Variants in RICTOR observed in about 807,000 individuals in gnomAD.
The protein encoded by RICTOR is RPTOR independent companion of MTOR complex 2, also known as rapamycin-insensitive companion of mTOR.
Under a neutral mutation model 214.9 loss-of-function variants are expected in RICTOR, and 49 were observed. The observed-to-expected ratio is 0.23, with a 90% CI of 0.18 to 0.29. The LOEUF is 0.29. RICTOR is among the 10% of genes least tolerant of loss of function. The pLI is 1.00. For missense variants in RICTOR, 1,625 were observed against 2,047.0 expected, an observed-to-expected ratio of 0.79 and a Z score of 3.98; for synonymous variants, 717 against 711.3, an observed-to-expected ratio of 1.01 and a Z score of -0.13.
rs77313913 is a variant in RICTOR at position 39,022,450 on chromosome 5, T to C, written c.98-1314A>G. 7.4e-3 allele frequency: 1,163 copies of C among 157,066 alleles called. 15 individuals are homozygous for C. The highest frequency in any genetic ancestry group is 0.027 in the African/African-American group (1,113 of 41,586). 9.7% of individuals were successfully genotyped at this position (157,066 alleles called of 1,614,324 possible). A position where few individuals can be genotyped will look rare whatever the true frequency, so the allele number is the denominator to read the frequency against. ...TGCCAGGTGCTGCCAGCGGTGTTTCTGCTGTCTTACTGCTCTATCCTGTGC... is the reference window on the plus strand; with the variant it reads ...TGCCAGGTGCTGCCAGCGGTGTTTCCGCTGTCTTACTGCTCTATCCTGTGC... On this transcript the variant is annotated intron_variant, in intron 2 of 37. Coordinates refer to ENST00000357387, the MANE Select transcript of RICTOR (RefSeq NM_152756.5).
In RICTOR at chr5:39,002,400, G is replaced by GTATA. The variant is rs1208545056; in HGVS notation, c.392+131_392+134dup. ...TACTTGGTTGTGTGTGTGTGTGTGTGTATATATATATATATACACACACAC... is the reference window on the plus strand; with the variant it reads ...TACTTGGTTGTGTGTGTGTGTGTGTGTATATATATATATATATATACACACACAC... On this transcript the variant is annotated intron_variant, in intron 5 of 37. Coordinates refer to ENST00000357387, the MANE Select transcript of RICTOR (RefSeq NM_152756.5). 6.0e-5 allele frequency: 22 copies of GTATA among 364,940 alleles called. No individual in the cohort carries two copies. In the Middle Eastern group the frequency reaches 2.1e-3, roughly 36 times the overall value. The allele number at this position is 364,940 out of a possible 1,614,324, so 22.6% of individuals were successfully genotyped here.
At chr5:39,047,176 G>T (rs571558337) in intron 2 of RICTOR, among the ~76,000 whole-genome samples, 1 of 152,146 alleles carries the variant, frequency 6.6e-6, no homozygotes, top group Non-Finnish European at 1.5e-5. Flanking sequence ...AGACACTTTA[G>T]AACAGTAGTC....
At position 38,938,444 on chromosome 5, in the gene RICTOR, A is replaced by C. The variant is rs1747204485; in HGVS notation, c.*3860T>G. The C allele has an allele frequency of 2.6e-5, 6 of 231,774 alleles. No individual in the cohort carries two copies. The Admixed American group carries it at 3.4e-4, about 13-fold the overall frequency. The allele number at this position is 231,774 out of a possible 1,614,324, so 14.4% of individuals were successfully genotyped here. ...AAGACTTTGCATTTTGTGCTAAATC[A>C]ACCAAGTAGCAAAATTGAAAGGTAT... On this transcript the variant is annotated 3_prime_UTR_variant, in exon 38 of 38. Transcript: ENST00000357387.
At position 39,044,121 on chromosome 5, in the gene RICTOR, ATG is replaced by A. The variant is rs1757336332; in HGVS notation, c.98-22987_98-22986del. On this transcript the variant is annotated intron_variant, in intron 2 of 37. Transcript: ENST00000357387. ...TGTACCCTATAAATATGTAATTATT[ATG>A]TGTCAATTAAAACCAAAATATTTAA... 2.0e-5 allele frequency among the ~76,000 whole-genome samples: 3 copies of A among 152,340 alleles called. No homozygotes were observed. The South Asian group carries it at 6.2e-4, about 32-fold the overall frequency.
At chr5:39,060,256 T>C (rs1041649225) in intron 2 of RICTOR, among the ~76,000 whole-genome samples, 2 of 152,044 alleles carry the variant, frequency 1.3e-5, no homozygotes, top group African/African-American at 4.8e-5. Context: ...ACAATAAAAA[T>C]TCAAAGTATG....
intron 11 of RICTOR, chr5:38,970,938 G>A (rs999630718): frequency 2.0e-5 from 3 of 152,188 alleles, no homozygotes; most frequent in African/African-American, 4.8e-5. Flanking sequence ...TTTATAGTGA[G>A]AATGCCCTTG....
chr5:39,064,505 T>C (rs984862073), intron 2 of RICTOR, among the ~76,000 whole-genome samples: 3 of 152,220 alleles, frequency 2.0e-5, no homozygotes, highest in African/African-American at 7.2e-5. Flanking sequence ...TCTACCATTA[T>C]TCATCTTTTT....
At chr5:39,013,750 A>G (rs1305741791) in intron 3 of RICTOR, among the ~76,000 whole-genome samples, 1 of 152,184 alleles carries the variant, frequency 6.6e-6, no homozygotes, top group African/African-American at 2.4e-5. Context: ...TGACATGTAT[A>G]GAAAAGGAAA....
chr5:39,043,580 T>C (rs1255256960), intron 2 of RICTOR, among the ~76,000 whole-genome samples: 1 of 152,304 alleles, frequency 6.6e-6, no homozygotes, highest in Non-Finnish European at 1.5e-5. Context: ...TACTGTATTG[T>C]ATATTTCAAA....
At chr5:38,952,577 A>T (rs548590788) in intron 29 of RICTOR, 152 bp from the exon 30 acceptor site, 10 of 548,488 alleles carry the variant, frequency 1.8e-5, no homozygotes, top group East Asian at 2.9e-5. Flanking sequence ...TATTAAGACT[A>T]GTCAGGAATA....
At chr5:39,013,986 T>C (rs558171298) in intron 3 of RICTOR, among the ~76,000 whole-genome samples, 2 of 152,182 alleles carry the variant, frequency 1.3e-5, no homozygotes, top group Non-Finnish European at 2.9e-5. Context: ...TAATACTATA[T>C]TTTTACTGTA....
chr5:38,948,145 T>C (rs975484109), intron 31 of RICTOR, among the ~76,000 whole-genome samples: 3 of 152,134 alleles, frequency 2.0e-5, no homozygotes, highest in African/African-American at 7.2e-5. Context: ...GCTAAAATAT[T>C]TACTTGGTAT....
chr5:38,944,369 T>C, intron 36 of RICTOR, 77 bp downstream of exon 36: 1 of 1,433,010 alleles, frequency 7.0e-7, no homozygotes, highest in African/African-American at 1.4e-5. Context: ...AGCCTAACTT[T>C]TGAAGTATTT....
intron 11 of RICTOR, chr5:38,969,853 G>A (rs1750619783): frequency 6.6e-6 from 1 of 151,804 alleles, no homozygotes; most frequent in Admixed American, 6.6e-5. Context: ...ATTTTTAGTA[G>A]AGACAGGCTT....
chr5:39,036,275 T>A (rs575360945), intron 2 of RICTOR, among the ~76,000 whole-genome samples: 1 of 152,202 alleles, frequency 6.6e-6, no homozygotes, highest in Non-Finnish European at 1.5e-5. Context: ...CTGAGAGATT[T>A]TGTCACCACC....
At chr5:39,057,268 C>T (rs1484478309) in intron 2 of RICTOR, among the ~76,000 whole-genome samples, 1 of 152,074 alleles carries the variant, frequency 6.6e-6, no homozygotes, top group Non-Finnish European at 1.5e-5. Context: ...ATGTTTTGAA[C>T]AATAGTAACA....
intron 7 of RICTOR, among the ~76,000 whole-genome samples, chr5:38,983,465 A>T (rs1751893836): frequency 6.6e-6 from 1 of 152,202 alleles, no homozygotes; most frequent in Admixed American, 6.5e-5. Flanking sequence ...TTTGGCTAAT[A>T]ACCTGGCTAA....
At chr5:39,006,920 T>C (rs73088108) in intron 3 of RICTOR, among the ~76,000 whole-genome samples, 2,545 of 152,280 alleles carry the variant, frequency 0.017, 64 homozygotes, top group African/African-American at 0.058. Context: ...CCTCAGACTT[T>C]CAAAGAGTAT....
chr5:38,984,652 TTC>T (rs1418865770), intron 7 of RICTOR, among the ~76,000 whole-genome samples: 1 of 152,050 alleles, frequency 6.6e-6, no homozygotes, highest in Non-Finnish European at 1.5e-5. Context: ...TAGGTTTTGG[TTC>T]TCTTTTTTTT....
Sources: allele counts gnomAD v4.1 joint callset (sites outside exome capture counted in the v4.1 genomes callset), GRCh38; gene constraint gnomAD v4.1.1; transcripts MANE v1.5; gene names NCBI Gene and HGNC (gene_info 2026-07-23, HGNC 2026-07-21).